Variants in RPL27A observed in about 807,000 individuals in gnomAD.
The protein encoded by RPL27A is large ribosomal subunit protein uL15.
For missense variants in RPL27A, 118 were observed against 189.4 expected (o/e 0.62, Z 2.21); for synonymous variants, 69 against 68.3 (o/e 1.01, Z -0.05).
chr11:8,683,299 G>C (rs764775065), intron 2 of RPL27A, 34 bp downstream of exon 2: 3 of 1,594,528 alleles, frequency 1.9e-6, no homozygotes, highest in Non-Finnish European at 2.6e-6. Context: ...GTGGGCCTTG[G>C]GCTCTCTTCG....
At position 8,682,799 on chromosome 11, in the gene RPL27A, G is replaced by A. The variant is rs199996172; in HGVS notation, c.-15G>A. The stretch of plus-strand genomic sequence containing the variant: ...GACTTGGCGAAGGCCTTCCTTTTTC[G>A]TCTGGGCTGCCAACATGGTAGGTGT... On this transcript the variant is annotated 5_prime_UTR_variant, in exon 1 of 5. Transcript: ENST00000314138. 2 of 1,613,318 alleles carry A rather than the reference G, an allele frequency of 1.2e-6. No homozygotes were observed. The highest frequency in any genetic ancestry group is 1.3e-5 in the African/African-American group (1 of 74,974).
chr11:8,684,193 C>T, intron 3 of RPL27A, 112 bp downstream of exon 3: 1 of 883,212 alleles, frequency 1.1e-6, no homozygotes, highest in Non-Finnish European at 1.9e-6. Flanking sequence ...TGTTTTTTAC[C>T]AAGTTAACAC....
In RPL27A at chr11:8,682,793, T is replaced by C. The variant is rs747721281; in HGVS notation, c.-21T>C. On this transcript the variant is annotated 5_prime_UTR_variant, in exon 1 of 5. Transcript: ENST00000314138. Reference sequence around the variant, plus strand: ...TCGCGAGACTTGGCGAAGGCCTTCCTTTTTCGTCTGGGCTGCCAACATGGT... The same window carrying C: ...TCGCGAGACTTGGCGAAGGCCTTCCCTTTTCGTCTGGGCTGCCAACATGGT... 6.2e-7 allele frequency: 1 copy of C among 1,613,160 alleles called. No homozygotes were observed. Among genetic ancestry groups the C allele is most frequent in the Non-Finnish European group, 8.5e-7 (1 of 1,179,510 alleles).
At chr11:8,683,393 T>A in intron 2 of RPL27A, 128 bp downstream of exon 2, 1 of 753,254 alleles carries the variant, frequency 1.3e-6, no homozygotes, top group Non-Finnish European at 2.2e-6. Context: ...AGCTGTTGAT[T>A]TTTTTCTGAC....
At chr11:8,683,382 C>T (rs1565590218) in intron 2 of RPL27A, 117 bp downstream of exon 2, 2 of 826,830 alleles carry the variant, frequency 2.4e-6, no homozygotes, top group East Asian at 2.5e-5. Context: ...TCAAGTTGCA[C>T]AGCTGTTGAT....
chr11:8,685,257 T>C (rs949395786), intron 4 of RPL27A: 9 of 434,422 alleles, frequency 2.1e-5, no homozygotes, highest in African/African-American at 1.4e-4. Context: ...GGGGTTCTGG[T>C]CCCTGTGTCA....
rs201805042 is a variant in RPL27A, at chr11:8,682,792, C to G, written c.-22C>G. 559 of 1,613,398 alleles carry G rather than the reference C, an allele frequency of 3.5e-4. No individual in the cohort carries two copies. Among genetic ancestry groups the G allele is most frequent in the Non-Finnish European group, 4.2e-4 (499 of 1,179,726 alleles). On this transcript the variant is annotated 5_prime_UTR_variant, in exon 1 of 5. Transcript: ENST00000314138. Reference sequence around the variant, plus strand: ...CTCGCGAGACTTGGCGAAGGCCTTCCTTTTTCGTCTGGGCTGCCAACATGG... The same window carrying G: ...CTCGCGAGACTTGGCGAAGGCCTTCGTTTTTCGTCTGGGCTGCCAACATGG...
chr11:8,684,930 T>C, intron 4 of RPL27A, 38 bp downstream of exon 4: 1 of 1,599,258 alleles, frequency 6.3e-7, no homozygotes, highest in Middle Eastern at 1.7e-4. Flanking sequence ...TTCCATACCT[T>C]CCCTTACAAA....
Position 8,689,010 on chromosome 11 carries a change from A to T in RPL27A, c.*3204A>T, listed in dbSNP as rs1202133825. ...GTAGCTTCTACTTCCGGAGACGATGACTCCCCCGCGTCCCAGACCGGAAGA... is the reference window on the plus strand; with the variant it reads ...GTAGCTTCTACTTCCGGAGACGATGTCTCCCCCGCGTCCCAGACCGGAAGA... On this transcript the variant is annotated 3_prime_UTR_variant, in exon 5 of 5. Coordinates refer to ENST00000314138, the MANE Select transcript of RPL27A (RefSeq NM_000990.5). 1.3e-5 allele frequency: 2 copies of T among 151,996 alleles called. No homozygotes were observed. The highest frequency in any genetic ancestry group is 4.8e-5 in the African/African-American group (2 of 41,336). 9.4% of individuals were successfully genotyped at this position (151,996 alleles called of 1,614,324 possible). A position where few individuals can be genotyped will look rare whatever the true frequency, so the allele number is the denominator to read the frequency against.
At position 8,685,917 on chromosome 11, in the gene RPL27A, A is replaced by G. The variant is rs1005112220; in HGVS notation, c.*111A>G. 16 of 1,049,086 alleles carry G rather than the reference A, an allele frequency of 1.5e-5. No individual in the cohort carries two copies. The highest frequency in any genetic ancestry group is 4.9e-5 in the East Asian group (2 of 41,052). The allele number at this position is 1,049,086 out of a possible 1,614,324, so 65.0% of individuals were successfully genotyped here. A position where few individuals can be genotyped will look rare whatever the true frequency, so the allele number is the denominator to read the frequency against. On this transcript the variant is annotated 3_prime_UTR_variant, in exon 5 of 5. Coordinates refer to ENST00000314138, the MANE Select transcript of RPL27A (RefSeq NM_000990.5). ...TGTGTGCATTGGGAGCCCAGGTTCT[A>G]GTACTTAGGGTATGAAGACATGGGG...
At chr11:8,683,163 T>A (rs768992297) in intron 1 of RPL27A, 39 bp from the exon 2 acceptor site, 7 of 1,604,270 alleles carry the variant, frequency 4.4e-6, no homozygotes, top group Non-Finnish European at 6.0e-6. Flanking sequence ...CCCCTGCCCC[T>A]AATTCCTTAG....
At chr11:8,683,934 C>CCG in intron 2 of RPL27A, 72 bp from the exon 3 acceptor site, 1 of 1,237,784 alleles carries the variant, frequency 8.1e-7, no homozygotes, top group Non-Finnish European at 1.2e-6. Context: ...TACCCCCCCT[C>CCG]GTCCTCCTAA....
chr11:8,685,917 A>C lies in RPL27A; in HGVS notation c.*111A>C. On this transcript the variant is annotated 3_prime_UTR_variant, in exon 5 of 5. Coordinates refer to ENST00000314138, the MANE Select transcript of RPL27A (RefSeq NM_000990.5). Reference sequence around the variant, plus strand: ...TGTGTGCATTGGGAGCCCAGGTTCTAGTACTTAGGGTATGAAGACATGGGG... The same window carrying C: ...TGTGTGCATTGGGAGCCCAGGTTCTCGTACTTAGGGTATGAAGACATGGGG... 1 of 1,049,204 alleles carries C rather than the reference A, an allele frequency of 9.5e-7. No homozygotes were observed. 65.0% of individuals were successfully genotyped at this position (1,049,204 alleles called of 1,614,324 possible).
chr11:8,684,051 T>A lies in RPL27A; in HGVS notation c.113T>A (p.Leu38Gln). Residue 38 changes from leucine (L) to glutamine (Q), a missense_variant, in exon 3 of 5, where the codon CTG (leucine) becomes CAG (glutamine). Leu to Gln is a moderately radical substitution (Grantham distance 113). Coordinates refer to ENST00000314138, the MANE Select transcript of RPL27A (RefSeq NM_000990.5). ...HPGGRGNAGG[L>Q]HHHRINFDKY... Reference sequence around the variant, plus strand: ...GGCGGCCGCGGTAATGCTGGTGGTCTGCATCACCACCGGATCAACTTCGAC... The same window carrying A: ...GGCGGCCGCGGTAATGCTGGTGGTCAGCATCACCACCGGATCAACTTCGAC... 1 of 1,613,528 alleles carries A rather than the reference T, an allele frequency of 6.2e-7. No homozygotes were observed. The highest frequency in any genetic ancestry group is 8.5e-7 in the Non-Finnish European group (1 of 1,179,848).
intron 3 of RPL27A, 147 bp downstream of exon 3, chr11:8,684,228 T>C (rs1200031194): frequency 1.3e-6 from 1 of 790,178 alleles, no homozygotes; most frequent in South Asian, 1.3e-5. Flanking sequence ...GAACCTGTCA[T>C]CGAGGCTAGA....
In RPL27A at chr11:8,685,919, T is replaced by G. The variant is rs1050424391; in HGVS notation, c.*113T>G. On this transcript the variant is annotated 3_prime_UTR_variant, in exon 5 of 5. Coordinates refer to ENST00000314138, the MANE Select transcript of RPL27A (RefSeq NM_000990.5). ...TGTGCATTGGGAGCCCAGGTTCTAG[T>G]ACTTAGGGTATGAAGACATGGGGTC... The G allele has an allele frequency of 2.0e-6, 2 of 1,009,372 alleles. No individual in the cohort carries two copies. The highest frequency in any genetic ancestry group is 1.6e-5 in the African/African-American group (1 of 62,474). 62.5% of individuals were successfully genotyped at this position (1,009,372 alleles called of 1,614,324 possible).
intron 3 of RPL27A, chr11:8,684,413 G>A (rs2039562944): frequency 2.8e-6 from 2 of 716,016 alleles, no homozygotes; most frequent in Non-Finnish European, 2.6e-6. Flanking sequence ...TTCAGAAGAC[G>A]TTTATTATAG....
Position 8,684,746 on chromosome 11 carries a change from A to T in RPL27A, c.172A>T (p.Met58Leu). Reference sequence around the variant, plus strand: ...CCCAGGCTACTTTGGGAAAGTTGGTATGAAGCATTACCACTTAAAGAGGAA... The same window carrying T: ...CCCAGGCTACTTTGGGAAAGTTGGTTTGAAGCATTACCACTTAAAGAGGAA... The part of the protein sequence containing the change: ...YHPGYFGKVG[M>L]KHYHLKRNQS... Residue 58 changes from methionine to leucine, a missense_variant, in exon 4 of 5, where the codon ATG (methionine) becomes TTG (leucine). Physicochemically the swap from Met to Leu is conservative, Grantham distance 15. Coordinates refer to ENST00000314138, the MANE Select transcript of RPL27A (RefSeq NM_000990.5). 6.2e-7 allele frequency: 1 copy of T among 1,614,126 alleles called. No individual in the cohort carries two copies.
chr11:8,685,011 C>T, intron 4 of RPL27A, 119 bp downstream of exon 4: 1 of 1,012,054 alleles, frequency 9.9e-7, no homozygotes, highest in Non-Finnish European at 1.5e-6. Flanking sequence ...GATATTCTTC[C>T]TGTGGTAGAA....
Sources: gnomAD v4.1 joint callset for allele counts on GRCh38, gnomAD v4.1.1 for gene constraint, MANE v1.5 for transcripts, NCBI Gene and HGNC (gene_info 2026-07-23, HGNC 2026-07-21) for gene names.